Variants in FHIT observed in about 807,000 individuals in gnomAD.
The protein encoded by FHIT is bis(5'-adenosyl)-triphosphatase.
Under a neutral mutation model 17.9 loss-of-function variants are expected in FHIT, and 19 were observed. The ratio of observed to expected loss-of-function variants is 1.06; its 90% CI spans 0.74 to 1.56. The LOEUF (loss-of-function observed/expected upper bound fraction) is 1.56, where lower values mean the gene tolerates loss of function less well. FHIT is among the 40% of genes most tolerant of loss of function. FHIT has a pLI of 0.00. For missense variants in FHIT, 248 were observed against 189.2 expected (o/e 1.31, Z -1.82); for synonymous variants, 81 against 69.7 (o/e 1.16, Z -0.81).
chr3:59,827,516 C>T (rs778324673), intron 8 of FHIT, among the ~76,000 whole-genome samples: 2 of 152,164 alleles, frequency 1.3e-5, no homozygotes, highest in Non-Finnish European at 2.9e-5. Flanking sequence ...TACTAATATT[C>T]AGATAAATGC....
intron 2 of FHIT, among the ~76,000 whole-genome samples, chr3:61,114,857 C>T (rs1052632365): frequency 2.0e-5 from 3 of 152,170 alleles, no homozygotes; most frequent in African/African-American, 4.8e-5. Context: ...AAGCTGGGGG[C>T]TTCCCACCTA....
rs779407996 is a variant in FHIT, at chr3:60,351,630, GC to G, written c.103+185229del. ...AGCTAACTGATAATACCTGTAAAAT[GC>G]TGCAAACACCACCATGATGTGGTGA... On this transcript the variant is annotated intron_variant, in intron 5 of 9. Coordinates refer to ENST00000492590, the MANE Select transcript of FHIT (RefSeq NM_002012.4). Among the ~76,000 whole-genome samples the G allele has an allele frequency of 5.9e-5, 9 of 152,306 alleles. No individual in the cohort carries two copies. The East Asian group carries it at 1.4e-3, about 23-fold the overall frequency.
At chr3:60,235,052 T>C (rs950989631) in intron 5 of FHIT, among the ~76,000 whole-genome samples, 34 of 152,060 alleles carry the variant, frequency 2.2e-4, no homozygotes, top group African/African-American at 6.0e-4. Context: ...CAACGTTACA[T>C]GGAATAAGAG....
intron 4 of FHIT, among the ~76,000 whole-genome samples, chr3:60,801,372 A>G (rs1316935936): frequency 6.6e-6 from 1 of 152,250 alleles, no homozygotes; most frequent in Non-Finnish European, 1.5e-5. Context: ...CCACAGCGAC[A>G]GCCCTAATAC....
At chr3:59,855,916 G>A (rs1702136497) in intron 8 of FHIT, among the ~76,000 whole-genome samples, 1 of 149,322 alleles carries the variant, frequency 6.7e-6, no homozygotes, top group Non-Finnish European at 1.5e-5. Context: ...AAGTAGCTGG[G>A]ACTACAGGCG....
At chr3:60,483,086 G>T (rs768030750) in intron 5 of FHIT, among the ~76,000 whole-genome samples, 5 of 152,042 alleles carry the variant, frequency 3.3e-5, no homozygotes, top group Admixed American at 6.6e-5. Flanking sequence ...TAGAAGAAAT[G>T]GATAAATTCT....
At chr3:60,251,754 A>G (rs890445181) in intron 5 of FHIT, among the ~76,000 whole-genome samples, 1 of 152,164 alleles carries the variant, frequency 6.6e-6, no homozygotes, top group Admixed American at 6.5e-5. Flanking sequence ...TCTACACAGC[A>G]TACCTTTCTT....
chr3:60,935,259 A>T (rs2107385694), intron 3 of FHIT, among the ~76,000 whole-genome samples: 1 of 152,366 alleles, frequency 6.6e-6, no homozygotes, highest in South Asian at 2.1e-4. Context: ...TTGGAACAAG[A>T]TAAATCATTC....
chr3:59,805,427 C>T (rs996196532), intron 8 of FHIT, among the ~76,000 whole-genome samples: 7 of 152,196 alleles, frequency 4.6e-5, no homozygotes, highest in Non-Finnish European at 1.0e-4. Context: ...TCTGACTGTT[C>T]GCTCCCTGTT....
At chr3:60,468,710 T>C (rs1272750782) in intron 5 of FHIT, among the ~76,000 whole-genome samples, 3 of 152,158 alleles carry the variant, frequency 2.0e-5, no homozygotes, top group African/African-American at 7.2e-5. Context: ...TATGAGTAGT[T>C]TACATACTAC....
chr3:61,113,591 G>A (rs7609788), intron 2 of FHIT, among the ~76,000 whole-genome samples: 7,801 of 152,026 alleles, frequency 0.051, 376 homozygotes, highest in African/African-American at 0.13. Context: ...CCCACACCTG[G>A]GTTATTTCCT....
chr3:59,874,049 T>C (rs1020646119), intron 8 of FHIT, among the ~76,000 whole-genome samples: 2 of 152,066 alleles, frequency 1.3e-5, no homozygotes, highest in Non-Finnish European at 2.9e-5. Flanking sequence ...TACTGGGAAG[T>C]AAAACTGGCC....
intron 5 of FHIT, among the ~76,000 whole-genome samples, chr3:60,032,352 T>A (rs1701036544): frequency 6.6e-6 from 1 of 151,742 alleles, no homozygotes; most frequent in Admixed American, 6.6e-5. Flanking sequence ...CTCAGGAGAC[T>A]GAGATGGGAG....
At chr3:61,057,505 G>C (rs1409639993) in intron 2 of FHIT, among the ~76,000 whole-genome samples, 1 of 152,082 alleles carries the variant, frequency 6.6e-6, no homozygotes, top group Non-Finnish European at 1.5e-5. Context: ...AGGAAAGAAG[G>C]GAGATGAATA....
chr3:59,989,049 G>C (rs1208208416), intron 7 of FHIT, among the ~76,000 whole-genome samples: 6 of 152,020 alleles, frequency 3.9e-5, no homozygotes, highest in African/African-American at 1.4e-4. Context: ...TGGAGGTCTG[G>C]CCATTAGACT....
Position 60,252,322 on chromosome 3 carries a change from TTGCTTGAGC to T in FHIT, c.104-238179_104-238171del, listed in dbSNP as rs1559762890. Among the ~76,000 whole-genome samples, 499 of 152,082 alleles carry T rather than the reference TTGCTTGAGC, an allele frequency of 3.3e-3. 5 individuals are homozygous for T. Among genetic ancestry groups the T allele is most frequent in the African/African-American group, 0.011 (449 of 41,510 alleles). ...ACTTTGGGAAACCAAAGCGGGAAAATTGCTTGAGCCCAGGAGTTTAAGACCAGCCTGGGC... is the reference window on the plus strand; with the variant it reads ...ACTTTGGGAAACCAAAGCGGGAAAATCCAGGAGTTTAAGACCAGCCTGGGC... On this transcript the variant is annotated intron_variant, in intron 5 of 9. Transcript: ENST00000492590.
At chr3:60,176,592 G>T (rs1002389920) in intron 5 of FHIT, among the ~76,000 whole-genome samples, 1 of 152,100 alleles carries the variant, frequency 6.6e-6, no homozygotes, top group African/African-American at 2.4e-5. Flanking sequence ...CAAACACCTA[G>T]GTAGGTGGGG....
At chr3:60,087,445 C>T (rs1339005297) in intron 5 of FHIT, among the ~76,000 whole-genome samples, 2 of 152,166 alleles carry the variant, frequency 1.3e-5, no homozygotes, top group African/African-American at 4.8e-5. Flanking sequence ...CACCAAATGG[C>T]CAGGCTGCAA....
At chr3:60,703,851 T>C (rs560455106) in intron 4 of FHIT, among the ~76,000 whole-genome samples, 1 of 152,334 alleles carries the variant, frequency 6.6e-6, no homozygotes, top group African/African-American at 2.4e-5. Flanking sequence ...ACATGTTTAA[T>C]AATTTTCCAC....
Sources: gnomAD v4.1 joint callset for allele counts (sites outside exome capture counted in the v4.1 genomes callset) on GRCh38, gnomAD v4.1.1 for gene constraint, MANE v1.5 for transcripts, NCBI Gene and HGNC (gene_info 2026-07-23, HGNC 2026-07-21) for gene names.